The following VAV3 variants were observed in gnomAD, a reference collection of about 807,000 sequenced individuals.
The protein encoded by VAV3 is vav guanine nucleotide exchange factor 3.
A neutral mutation model predicts 131.2 loss-of-function variants in VAV3; 94 were observed. The ratio of observed to expected loss-of-function variants is 0.72; its 90% confidence interval spans 0.61 to 0.85. VAV3 has a LOEUF of 0.85. VAV3 is among the 40% of genes least tolerant of loss of function. The pLI, the probability that VAV3 is intolerant of heterozygous loss-of-function variation, is 0.00. For synonymous variants in VAV3, 349 were observed against 342.0 expected, an observed-to-expected ratio of 1.02 and a Z score of -0.22; for missense variants, 939 against 1,002.7, an observed-to-expected ratio of 0.94 and a Z score of 0.86.
intron 19 of VAV3, among the ~76,000 whole-genome samples, chr1:107,643,166 C>G (rs1015875768): frequency 6.6e-6 from 1 of 152,162 alleles, no homozygotes; most frequent in Non-Finnish European, 1.5e-5. Flanking sequence ...GAGGCTCATC[C>G]TTTCTGTGTA....
chr1:107,714,060 T>C (rs373590935), intron 15 of VAV3, among the ~76,000 whole-genome samples: 3 of 152,140 alleles, frequency 2.0e-5, no homozygotes, highest in South Asian at 2.1e-4. Flanking sequence ...TGTTCACTTA[T>C]ACGCATTATT....
rs1570719962 is a variant in VAV3 at position 107,668,486 on chromosome 1, A to G, written c.1777+15002T>C. On this transcript the variant is annotated intron_variant, in intron 19 of 26. Transcript: ENST00000370056. ...TGTGAAATTAAAAATAAAGCATGTAAAACCTCTAGTACATCAACAAATATC... is the reference window on the plus strand; with the variant it reads ...TGTGAAATTAAAAATAAAGCATGTAGAACCTCTAGTACATCAACAAATATC... 2.0e-5 allele frequency among the ~76,000 whole-genome samples: 3 copies of G among 152,340 alleles called. No homozygotes were observed. The South Asian group carries it at 6.2e-4, about 32-fold the overall frequency.
intron 2 of VAV3, among the ~76,000 whole-genome samples, chr1:107,824,090 G>A (rs1377672393): frequency 6.6e-6 from 1 of 152,180 alleles, no homozygotes; most frequent in Admixed American, 6.5e-5. Flanking sequence ...CGTGAACTGA[G>A]TAGAAAACTG....
Position 107,964,870 on chromosome 1 carries a change from G to A in VAV3, c.-1C>T, listed in dbSNP as rs759626271. On this transcript the variant is annotated 5_prime_UTR_variant, in exon 1 of 27. Coordinates refer to ENST00000370056, the MANE Select transcript of VAV3 (RefSeq NM_006113.5). Reference sequence around the variant, plus strand: ...GCGCGCACTGCTTCCACGGCTCCATGCCCGACGGCTCCGGGACGCGGCTGG... The same window carrying A: ...GCGCGCACTGCTTCCACGGCTCCATACCCGACGGCTCCGGGACGCGGCTGG... 3.7e-5 allele frequency: 58 copies of A among 1,562,012 alleles called. No homozygotes were observed. Among genetic ancestry groups the A allele is most frequent in the Non-Finnish European group, 4.9e-5 (56 of 1,151,668 alleles).
At chr1:107,835,167 A>G (rs1055755784) in intron 2 of VAV3, among the ~76,000 whole-genome samples, 1 of 151,996 alleles carries the variant, frequency 6.6e-6, no homozygotes, top group South Asian at 2.1e-4. Flanking sequence ...TCCCCTGTCC[A>G]CCAGCCGCTA....
chr1:107,784,790 T>A (rs1005441797), intron 2 of VAV3, among the ~76,000 whole-genome samples: 3 of 152,222 alleles, frequency 2.0e-5, no homozygotes, highest in African/African-American at 7.2e-5. Context: ...AATACCTTGC[T>A]AAATTGTTTT....
chr1:107,851,243 A>C (rs1179961702), intron 2 of VAV3, among the ~76,000 whole-genome samples: 3 of 151,638 alleles, frequency 2.0e-5, no homozygotes, highest in African/African-American at 7.3e-5. Context: ...GAGAAGAGGG[A>C]AAGGAGAAGA....
At chr1:107,833,507 C>G (rs1219188249) in intron 2 of VAV3, among the ~76,000 whole-genome samples, 1 of 152,138 alleles carries the variant, frequency 6.6e-6, no homozygotes, top group Non-Finnish European at 1.5e-5. Context: ...GTTCAAATCT[C>G]TCTTCTATAC....
chr1:107,964,636 G>A (rs1675330402), intron 1 of VAV3, 30 bp downstream of exon 1: 1 of 1,603,086 alleles, frequency 6.2e-7, no homozygotes, highest in African/African-American at 1.3e-5. Context: ...CTGCCGGCTG[G>A]AGGCGGGGCG....
chr1:107,594,327 T>C (rs1651198608), intron 25 of VAV3, among the ~76,000 whole-genome samples: 1 of 152,094 alleles, frequency 6.6e-6, no homozygotes, highest in Non-Finnish European at 1.5e-5. Context: ...CAGTGCCTTG[T>C]ATGTGTTAGG....
intron 2 of VAV3, among the ~76,000 whole-genome samples, chr1:107,860,542 T>A (rs1669690870): frequency 1.3e-5 from 2 of 151,580 alleles, no homozygotes; most frequent in South Asian, 4.2e-4. Context: ...ATCACTGTAA[T>A]CCTCAAACCA....
intron 19 of VAV3, among the ~76,000 whole-genome samples, chr1:107,657,192 T>C (rs1024255044): frequency 6.6e-6 from 1 of 152,098 alleles, no homozygotes; most frequent in African/African-American, 2.4e-5. Context: ...TGACCTCAAG[T>C]GATCCGCCCG....
chr1:107,662,471 A>T (rs80293194), intron 19 of VAV3, among the ~76,000 whole-genome samples: 21,720 of 151,734 alleles, frequency 0.14, 1,636 homozygotes, highest in Non-Finnish European at 0.16. Flanking sequence ...TATCTCTCTC[A>T]CACACACACA....
chr1:107,641,921 G>A (rs987532503), intron 20 of VAV3, among the ~76,000 whole-genome samples: 6 of 152,048 alleles, frequency 3.9e-5, no homozygotes, highest in Non-Finnish European at 5.9e-5. Flanking sequence ...TTTGGCATTA[G>A]TAAATATAAA....
At chr1:107,825,905 C>A (rs1667989616) in intron 2 of VAV3, among the ~76,000 whole-genome samples, 1 of 152,160 alleles carries the variant, frequency 6.6e-6, no homozygotes, top group South Asian at 2.1e-4. Context: ...AATTTATCTA[C>A]ACATTTACTA....
At chr1:107,636,145 G>A (rs540925707) in intron 20 of VAV3, among the ~76,000 whole-genome samples, 1 of 152,290 alleles carries the variant, frequency 6.6e-6, no homozygotes, top group Non-Finnish European at 1.5e-5. Flanking sequence ...GACACTGAAA[G>A]ACTTTAACAA....
At chr1:107,770,994 G>A (rs534398658) in intron 5 of VAV3, among the ~76,000 whole-genome samples, 17 of 152,242 alleles carry the variant, frequency 1.1e-4, no homozygotes, top group African/African-American at 3.9e-4. Context: ...TGTTCATAAA[G>A]TTGGAAACAC....
At chr1:107,615,697 C>T (rs927420763) in intron 21 of VAV3, among the ~76,000 whole-genome samples, 1 of 151,954 alleles carries the variant, frequency 6.6e-6, no homozygotes, top group Admixed American at 6.6e-5. Context: ...GTAAACTATG[C>T]ATCTGACAAA....
At chr1:107,940,357 T>C (rs1673927621) in intron 1 of VAV3, among the ~76,000 whole-genome samples, 1 of 151,196 alleles carries the variant, frequency 6.6e-6, no homozygotes. Context: ...CCTCAGGCCA[T>C]GAAGTAGCTA....
Sources: allele counts gnomAD v4.1 joint callset (sites outside exome capture counted in the v4.1 genomes callset), GRCh38; gene constraint gnomAD v4.1.1; transcripts MANE v1.5; gene names NCBI Gene and HGNC (gene_info 2026-07-23, HGNC 2026-07-21).